The following C1orf141 variants were observed in gnomAD, a reference collection of about 807,000 sequenced individuals.
C1orf141 encodes the protein chromosome 1 open reading frame 141.
In C1orf141, 19 loss-of-function variants were observed where a neutral mutation model predicts 23.2. That is an observed-to-expected ratio of 0.82 (90% confidence interval 0.57 to 1.20). C1orf141 has a LOEUF of 1.20. Ranked by LOEUF, C1orf141 falls within the 50% of genes most tolerant of loss-of-function variation. The probability of loss-of-function intolerance (pLI) is 0.00; values close to 1 mark genes in which losing one functional copy is unlikely to be tolerated. For missense variants in C1orf141, 469 were observed against 455.1 expected, an observed-to-expected ratio of 1.03 and a Z score of -0.28; for synonymous variants, 153 against 154.6, an observed-to-expected ratio of 0.99 and a Z score of 0.08.
rs192910393 is a variant in C1orf141 at position 67,119,394 on chromosome 1, C to T, written c.234-3930G>A. 2.4e-3 allele frequency among the ~76,000 whole-genome samples: 362 copies of T among 152,172 alleles called. 2 individuals are homozygous for T. The highest frequency in any genetic ancestry group is 4.3e-3 in the Admixed American group (66 of 15,268). On this transcript the variant is annotated intron_variant, in intron 4 of 7. Transcript: ENST00000684719. ...GCAATGAAATTGGATAGTTAGCTGA[C>T]GTTAGTTCTAAGCAAAGTGTTGAGG...
chr1:67,134,400 T>C (rs758913215), intron 1 of C1orf141, among the ~76,000 whole-genome samples: 34 of 152,248 alleles, frequency 2.2e-4, no homozygotes, highest in Non-Finnish European at 4.8e-4. Context: ...CAGATAATGA[T>C]TGCAAGAATT....
intron 4 of C1orf141, among the ~76,000 whole-genome samples, chr1:67,115,725 A>G (rs1570711794): frequency 1.3e-5 from 2 of 152,330 alleles, no homozygotes; most frequent in Middle Eastern, 3.4e-3. Flanking sequence ...ACTTATTCAC[A>G]AGCTGATTAA....
intron 7 of C1orf141, 35 bp downstream of exon 7, chr1:67,095,200 C>A: frequency 8.3e-7 from 1 of 1,211,778 alleles, no homozygotes; most frequent in Non-Finnish European, 1.2e-6. Flanking sequence ...TATGACTACA[C>A]ATATTTACTT....
chr1:67,125,785 T>C lies in C1orf141; in HGVS notation c.200A>G (p.Glu67Gly). The C allele has an allele frequency of 3.7e-6, 6 of 1,613,936 alleles. No homozygotes were observed. The highest frequency in any genetic ancestry group is 4.2e-6 in the Non-Finnish European group (5 of 1,179,910). Residue 67 changes from glutamate (E) to glycine (G), a missense_variant, in exon 4 of 8, where the codon GAA (glutamate) becomes GGA (glycine). Glu to Gly is a moderately conservative substitution (Grantham distance 98). This residue lies in a region of C1orf141 where 95 missense variants were observed against 90.3 expected (regional missense o/e 1.05). Transcript: ENST00000684719. ...TTTTGTAATGCTGCATGACTTGTCTTCTTTGATCTTTGATATTGCCTTAGA... is the reference window on the plus strand; with the variant it reads ...TTTTGTAATGCTGCATGACTTGTCTCCTTTGATCTTTGATATTGCCTTAGA... ...SASKAISKIK[E>G]DKSCSITKSK...
chr1:67,122,804 G>A (rs1478521132), intron 4 of C1orf141: 1 of 151,954 alleles, frequency 6.6e-6, no homozygotes, highest in East Asian at 1.9e-4. Context: ...TACCAATATT[G>A]TGCCTTATGT....
In C1orf141 at chr1:67,127,212, T is replaced by C. The variant is rs1646432162; in HGVS notation, c.29A>G (p.Asp10Gly). The C allele has an allele frequency of 6.2e-7, 1 of 1,609,068 alleles. No homozygotes were observed. Among genetic ancestry groups the C allele is most frequent in the Non-Finnish European group, 8.5e-7 (1 of 1,178,188 alleles). The change falls in exon 3 of 8, where the codon GAT becomes GGT. Residue 10 changes from aspartate to glycine, a missense_variant. Asp to Gly is a moderately conservative substitution (Grantham distance 94). Transcript: ENST00000684719. ...TATCTCTGCTTGCTTATCAAGGACA[T>C]CCAACTTCTCTAGGATTTTTTCTGC... MAEKILEKL[D>G]VLDKQAEIIL...
chr1:67,133,657 G>A (rs75739387), intron 1 of C1orf141, among the ~76,000 whole-genome samples: 2,976 of 152,250 alleles, frequency 0.02, 108 homozygotes, highest in African/African-American at 0.068. Flanking sequence ...AAATGGGGTT[G>A]TTAGGGTAGG....
Position 67,126,016 on chromosome 1 carries a change from A to G in C1orf141, c.76-107T>C. 2.5e-6 allele frequency: 3 copies of G among 1,211,010 alleles called. No homozygotes were observed. In the South Asian group the frequency reaches 4.9e-5, roughly 20 times the overall value. The allele number at this position is 1,211,010 out of a possible 1,614,324, so 75.0% of individuals were successfully genotyped here. On this transcript the variant is annotated intron_variant, in intron 3 of 7. Coordinates refer to ENST00000684719, the MANE Select transcript of C1orf141 (RefSeq NM_001276351.2). ...AATCTCACTTTACACACACACACAC[A>G]CAGAATTTAGGTGGCAGGCAATAAT... is the stretch of plus-strand genomic sequence containing the variant.
At chr1:67,115,279 A>G in intron 5 of C1orf141, 73 bp downstream of exon 5, 1 of 636,236 alleles carries the variant, frequency 1.6e-6, no homozygotes, top group East Asian at 3.1e-5. Context: ...TAAGACACAC[A>G]TCGGTAAATA....
At chr1:67,094,182 T>C (rs1184532647) in intron 7 of C1orf141, 1 of 152,222 alleles carries the variant, frequency 6.6e-6, no homozygotes. Flanking sequence ...AAGTAATAGA[T>C]TGACTTAAGA....
chr1:67,104,552 A>T (rs1283409597), intron 5 of C1orf141, among the ~76,000 whole-genome samples: 8 of 152,194 alleles, frequency 5.3e-5, no homozygotes, highest in Non-Finnish European at 8.8e-5. Context: ...AATGTAAGGG[A>T]GTTTCTAATA....
At chr1:67,099,586 C>A (rs951165327) in intron 5 of C1orf141, among the ~76,000 whole-genome samples, 1 of 152,110 alleles carries the variant, frequency 6.6e-6, no homozygotes, top group African/African-American at 2.4e-5. Flanking sequence ...TTGAGAGCAG[C>A]CTGACCAATA....
At chr1:67,097,937 G>C (rs1008918361) in intron 5 of C1orf141, among the ~76,000 whole-genome samples, 30 of 152,170 alleles carry the variant, frequency 2.0e-4, no homozygotes, top group African/African-American at 7.2e-4. Flanking sequence ...AAGGTGCTGG[G>C]TTAAGGATCC....
intron 4 of C1orf141, among the ~76,000 whole-genome samples, chr1:67,118,424 ATCAC>A (rs1646238799): frequency 6.6e-6 from 1 of 152,188 alleles, no homozygotes; most frequent in Non-Finnish European, 1.5e-5. Context: ...TTCCCAAAGA[ATCAC>A]TCATAGAGAC....
rs1381596912 is a variant in C1orf141, at chr1:67,127,153, A to G, written c.75+13T>C. The G allele has an allele frequency of 6.3e-7, 1 of 1,576,706 alleles. No individual in the cohort carries two copies. Among genetic ancestry groups the G allele is most frequent in the Admixed American group, 1.8e-5 (1 of 57,086 alleles). On this transcript the variant is annotated intron_variant, in intron 3 of 7. Transcript: ENST00000684719. Reference sequence around the variant, plus strand: ...TAATGATTAAACTGAATTGTAGCTTATACGTCACAAACCTTTGTTCTTCTG... The same window carrying G: ...TAATGATTAAACTGAATTGTAGCTTGTACGTCACAAACCTTTGTTCTTCTG...
intron 7 of C1orf141, chr1:67,094,980 C>T: frequency 2.6e-6 from 1 of 382,682 alleles, no homozygotes; most frequent in East Asian, 4.6e-5. Flanking sequence ...TTCTACAGTT[C>T]TATTATAATC....
In C1orf141 at chr1:67,093,563, TTC is replaced by T; in HGVS notation, c.643_644del (p.Glu215IlefsTer11). On this transcript the variant is annotated frameshift_variant, in exon 8 of 8. Transcript: ENST00000684719. LOFTEE classifies it low-confidence loss of function (END_TRUNC). ...DTNPIIFHDT[E>X]YVRMLLLTKN... is the part of the protein sequence containing the mutation. ...TTGTCAAAAGTAACATTCGTACATA[TTC>T]TGTGTCATGGAAAATTATGGGATTT... The T allele has an allele frequency of 6.3e-7, 1 of 1,581,550 alleles. No individual in the cohort carries two copies. Among genetic ancestry groups the T allele is most frequent in the Non-Finnish European group, 8.6e-7 (1 of 1,164,438 alleles).
rs142887352 is a variant in C1orf141, at chr1:67,093,358, T to C, written c.850A>G (p.Met284Val). 4,816 of 1,613,912 alleles carry C rather than the reference T, an allele frequency of 3.0e-3. 11 individuals carry two copies. The highest frequency in any genetic ancestry group is 3.8e-3 in the Non-Finnish European group (4,445 of 1,179,846). The change falls in exon 8 of 8, where the codon ATG becomes GTG. Residue 284 changes from methionine to valine, a missense_variant. Coordinates refer to ENST00000684719, the MANE Select transcript of C1orf141 (RefSeq NM_001276351.2). ...GTTGTGTGGCCCGCTTTAAAAGACA[T>C]AGGGATCTGTATATCTTTTCTCTGT... Reference protein sequence around the residue: ...TVQRKDIQIPMSFKAGHTTVD... With the variant: ...TVQRKDIQIPVSFKAGHTTVD...
At chr1:67,097,418 G>T (rs1645706801) in intron 5 of C1orf141, among the ~76,000 whole-genome samples, 1 of 152,182 alleles carries the variant, frequency 6.6e-6, no homozygotes, top group Admixed American at 6.6e-5. Flanking sequence ...GAAAGAGGCA[G>T]AGGAAACAGC....
Sources: allele counts gnomAD v4.1 joint callset (sites outside exome capture counted in the v4.1 genomes callset), GRCh38; gene constraint gnomAD v4.1.1; regional missense constraint gnomAD v4.1.1; transcripts MANE v1.5; gene names NCBI Gene and HGNC (gene_info 2026-07-23, HGNC 2026-07-21).